CNTNAP2: variants seen among roughly 807,000 people sequenced by gnomAD.
CNTNAP2 encodes the protein contactin associated protein 2, also known as contactin-associated protein-like 2.
In CNTNAP2, 98 loss-of-function variants were observed where a neutral mutation model predicts 155.2. That is an observed-to-expected ratio of 0.63 (90% confidence interval 0.54 to 0.75). The LOEUF is 0.75. Among genes scored for constraint, CNTNAP2 ranks in the 30% least tolerant of loss-of-function variants. The pLI is 0.00. For synonymous variants in CNTNAP2, 651 were observed against 631.2 expected (o/e 1.03, Z -0.47); for missense variants, 1,727 against 1,688.1 (o/e 1.02, Z -0.40).
intron 8 of CNTNAP2, among the ~76,000 whole-genome samples, chr7:147,265,836 C>T (rs1804595539): frequency 6.6e-6 from 1 of 152,132 alleles, no homozygotes; most frequent in African/African-American, 2.4e-5. Flanking sequence ...CCTTAGGTGA[C>T]ATCTCCAAGT....
chr7:147,717,513 A>G (rs1796498944), intron 13 of CNTNAP2, among the ~76,000 whole-genome samples: 3 of 152,128 alleles, frequency 2.0e-5, no homozygotes, highest in Admixed American at 6.6e-5. Context: ...GCAGATCTGT[A>G]TCTGACTCCA....
chr7:147,603,333 G>A (rs1356567231), intron 12 of CNTNAP2, among the ~76,000 whole-genome samples: 1 of 152,092 alleles, frequency 6.6e-6, no homozygotes, highest in Non-Finnish European at 1.5e-5. Context: ...TGATGGGGTT[G>A]TTTGTTTTTT....
At chr7:148,249,266 T>C (rs1796326092) in intron 20 of CNTNAP2, among the ~76,000 whole-genome samples, 1 of 152,176 alleles carries the variant, frequency 6.6e-6, no homozygotes, top group South Asian at 2.1e-4. Flanking sequence ...ACTTCACAGT[T>C]CTCCTGCTGC....
chr7:148,255,092 T>C (rs953573677), intron 20 of CNTNAP2, among the ~76,000 whole-genome samples: 1 of 152,184 alleles, frequency 6.6e-6, no homozygotes, highest in Non-Finnish European at 1.5e-5. Context: ...AATATGAAAG[T>C]GTATAAAACC....
chr7:147,536,611 T>C (rs1799544009), intron 11 of CNTNAP2, among the ~76,000 whole-genome samples: 1 of 152,128 alleles, frequency 6.6e-6, no homozygotes, highest in Non-Finnish European at 1.5e-5. Flanking sequence ...GGTGTATGTG[T>C]CCGAAATCTT....
At chr7:147,651,645 C>A (rs1190237420) in intron 13 of CNTNAP2, among the ~76,000 whole-genome samples, 1 of 152,096 alleles carries the variant, frequency 6.6e-6, no homozygotes, top group African/African-American at 2.4e-5. Flanking sequence ...AATGAAGATA[C>A]AGTTTGGTTG....
At chr7:147,611,743 AC>A (rs1801190388) in intron 12 of CNTNAP2, among the ~76,000 whole-genome samples, 1 of 152,170 alleles carries the variant, frequency 6.6e-6, no homozygotes, top group African/African-American at 2.4e-5. Flanking sequence ...CATCTGCTTT[AC>A]ATACCTTATT....
chr7:146,700,401 A>G (rs1252047227), intron 1 of CNTNAP2, among the ~76,000 whole-genome samples: 2 of 152,124 alleles, frequency 1.3e-5, no homozygotes, highest in Non-Finnish European at 2.9e-5. Context: ...GATGATTTCT[A>G]AACTCTTTAA....
chr7:147,519,050 T>A (rs1380429932), intron 11 of CNTNAP2, among the ~76,000 whole-genome samples: 2 of 149,238 alleles, frequency 1.3e-5, no homozygotes, highest in East Asian at 3.9e-4. Context: ...AAAAAAATTA[T>A]GCTGCAGTTT....
At chr7:146,822,458 A>G (rs1364431749) in intron 2 of CNTNAP2, among the ~76,000 whole-genome samples, 1 of 151,432 alleles carries the variant, frequency 6.6e-6, no homozygotes, top group Admixed American at 6.6e-5. Context: ...GTACCTTCAA[A>G]CTTAAAGTGT....
At chr7:147,030,997 C>T (rs988001957) in intron 3 of CNTNAP2, among the ~76,000 whole-genome samples, 1 of 152,138 alleles carries the variant, frequency 6.6e-6, no homozygotes, top group African/African-American at 2.4e-5. Context: ...TATAATTTGA[C>T]TCTTCACTTG....
At position 147,067,001 on chromosome 7, in the gene CNTNAP2, G is replaced by A. The variant is rs143018560; in HGVS notation, c.550+22947G>A. The stretch of plus-strand genomic sequence containing the variant: ...AGCTAGCTGTCTGGTCACTTCTTAA[G>A]GTGGGACTAGGCTGGGCGCATTGGC... On this transcript the variant is annotated intron_variant, in intron 4 of 23. Coordinates refer to ENST00000361727, the MANE Select transcript of CNTNAP2 (RefSeq NM_014141.6). Among the ~76,000 whole-genome samples, 450 of 152,062 alleles carry A rather than the reference G, an allele frequency of 3.0e-3. 2 individuals carry two copies. Among genetic ancestry groups the A allele is most frequent in the African/African-American group, 0.01 (435 of 41,534 alleles).
intron 15 of CNTNAP2, among the ~76,000 whole-genome samples, chr7:148,025,419 C>A (rs951656171): frequency 4.6e-5 from 7 of 152,176 alleles, no homozygotes; most frequent in Admixed American, 2.6e-4. Context: ...CACCCATTCC[C>A]CATCCCCCTA....
chr7:146,722,711 A>AAT (rs150174989), intron 1 of CNTNAP2, among the ~76,000 whole-genome samples: 8,113 of 149,058 alleles, frequency 0.054, 661 homozygotes, highest in African/African-American at 0.18. Flanking sequence ...ACACACACAA[A>AAT]ATATATATAT....
At chr7:146,652,425 A>G (rs571392247) in intron 1 of CNTNAP2, among the ~76,000 whole-genome samples, 1 of 152,272 alleles carries the variant, frequency 6.6e-6, no homozygotes, top group East Asian at 1.9e-4. Flanking sequence ...TGCTTTCAGA[A>G]TTGCTTAATG....
At chr7:146,517,861 T>A (rs1442153201) in intron 1 of CNTNAP2, among the ~76,000 whole-genome samples, 1 of 151,898 alleles carries the variant, frequency 6.6e-6, no homozygotes, top group Non-Finnish European at 1.5e-5. Flanking sequence ...TGATACTATT[T>A]AGCAGCTGCA....
chr7:146,908,059 A>G (rs1467965165), intron 3 of CNTNAP2, among the ~76,000 whole-genome samples: 1 of 152,100 alleles, frequency 6.6e-6, no homozygotes, highest in Non-Finnish European at 1.5e-5. Flanking sequence ...AAAGAAGGCC[A>G]TTACATAATG....
intron 15 of CNTNAP2, among the ~76,000 whole-genome samples, chr7:148,008,974 C>G (rs1444167800): frequency 6.6e-6 from 1 of 152,180 alleles, no homozygotes; most frequent in Non-Finnish European, 1.5e-5. Flanking sequence ...TGTGGAGTAA[C>G]AAACCCTTAA....
chr7:147,918,604 A>C (rs1474118561), intron 14 of CNTNAP2, among the ~76,000 whole-genome samples: 1 of 152,228 alleles, frequency 6.6e-6, no homozygotes, highest in Non-Finnish European at 1.5e-5. Context: ...TTTTGGAAGC[A>C]TGCTAGTTGT....
Sources: gnomAD v4.1 joint callset for allele counts (sites outside exome capture counted in the v4.1 genomes callset) on GRCh38, gnomAD v4.1.1 for gene constraint, MANE v1.5 for transcripts, NCBI Gene and HGNC (gene_info 2026-07-23, HGNC 2026-07-21) for gene names.